SAMD7: variants seen among roughly 807,000 people sequenced by gnomAD.
SAMD7 encodes sterile alpha motif domain-containing protein 7.
SAMD7 carries 34 observed loss-of-function variants against 36.7 expected under a neutral mutation model. The ratio of observed to expected loss-of-function variants is 0.93; its 90% CI spans 0.71 to 1.23. The LOEUF (loss-of-function observed/expected upper bound fraction) is 1.23, where lower values mean the gene tolerates loss of function less well. SAMD7 is among the 50% of genes most tolerant of loss of function. The pLI is 0.00. For synonymous variants in SAMD7, 188 were observed against 189.7 expected (o/e 0.99, Z 0.07); for missense variants, 570 against 546.6 (o/e 1.04, Z -0.43).
At chr3:169,931,833 G>A (rs1371574054) in intron 7 of SAMD7, among the ~76,000 whole-genome samples, 3 of 152,060 alleles carry the variant, frequency 2.0e-5, no homozygotes, top group Non-Finnish European at 4.4e-5. Context: ...GCACTGCATG[G>A]GTAGCCACGA....
rs561563297 is a variant in SAMD7 at position 169,933,281 on chromosome 3, A to G, written c.1042-3058A>G. The G allele has an allele frequency of 2.8e-4, 133 of 466,734 alleles. 2 individuals carry two copies. Among genetic ancestry groups the G allele is most frequent in the African/African-American group, 2.5e-3 (126 of 50,618 alleles). 28.9% of individuals were successfully genotyped at this position (466,734 alleles called of 1,614,324 possible). ...AAACTTCTTTTTACAAAGATAGAGA[A>G]GCAGCACAATCAATTCCAAATGGTA... On this transcript the variant is annotated intron_variant, in intron 7 of 8. Transcript: ENST00000335556.
rs777663519 is a variant in SAMD7 at position 169,938,458 on chromosome 3, G to C, written c.1293G>C (p.Gln431His). The change falls in exon 9 of 9, where the codon CAG (glutamine) becomes CAC (histidine). Residue 431 changes from glutamine to histidine, a missense_variant. Coordinates refer to ENST00000335556, the MANE Select transcript of SAMD7 (RefSeq NM_001304366.2). ...ATACAATGAACATTTTTTGTCCCCA[G>C]GATACAATAATTCCTAAAGGAATTG... ...WSDTMNIFCP[Q>H]DTIIPKGIER... The C allele has an allele frequency of 3.7e-6, 6 of 1,613,120 alleles. No homozygotes were observed. The South Asian group carries it at 6.6e-5, about 18-fold the overall frequency.
chr3:169,926,458 A>G (rs1266284605), intron 5 of SAMD7, 95 bp from the exon 6 acceptor site: 35 of 1,308,082 alleles, frequency 2.7e-5, no homozygotes, highest in Non-Finnish European at 3.3e-5. Context: ...TCAGATAAAC[A>G]GTGTGAGGAC....
intron 1 of SAMD7, among the ~76,000 whole-genome samples, chr3:169,912,164 A>G (rs953458556): frequency 1.3e-5 from 2 of 152,190 alleles, no homozygotes; most frequent in African/African-American, 4.8e-5. Context: ...CAAACAGATG[A>G]AGTACCTACC....
At chr3:169,932,021 G>T in intron 7 of SAMD7, 1 of 722,360 alleles carries the variant, frequency 1.4e-6, no homozygotes, top group East Asian at 4.5e-5. Flanking sequence ...AGCGAGTCAT[G>T]CTGTTAGCAA....
chr3:169,929,840 C>A (rs1051238750), intron 7 of SAMD7, among the ~76,000 whole-genome samples: 1 of 152,112 alleles, frequency 6.6e-6, no homozygotes, highest in Non-Finnish European at 1.5e-5. Context: ...TTTTGCATAA[C>A]CTGATAAAAA....
chr3:169,916,376 T>C (rs1339955184), intron 2 of SAMD7, among the ~76,000 whole-genome samples: 1 of 152,214 alleles, frequency 6.6e-6, no homozygotes, highest in African/African-American at 2.4e-5. Flanking sequence ...CCAGGCGTGG[T>C]GGCTCACACG....
At position 169,925,083 on chromosome 3, in the gene SAMD7, C is replaced by T. The variant is rs1230180762; in HGVS notation, c.237C>T (p.Ser79=). 3.7e-6 allele frequency: 6 copies of T among 1,609,926 alleles called. No individual in the cohort carries two copies. Among genetic ancestry groups the T allele is most frequent in the Non-Finnish European group, 4.2e-6 (5 of 1,178,184 alleles). The change falls in exon 5 of 9, where the codon TCC becomes TCT. Residue 79 remains serine (S), a synonymous_variant. Transcript: ENST00000335556. ...GTTGGGGCATTTTACCACCTGAATC[C>T]ATAAAGGCAGTGGCCAGAAGGAATG... ...YPGWGILPPE[S]IKAVARRNEM...
intron 3 of SAMD7, among the ~76,000 whole-genome samples, chr3:169,920,157 A>G (rs920432207): frequency 3.3e-5 from 5 of 152,250 alleles, no homozygotes; most frequent in Non-Finnish European, 7.3e-5. Context: ...CTGGGCAACA[A>G]GAGCGAAACT....
intron 4 of SAMD7, among the ~76,000 whole-genome samples, chr3:169,924,815 C>T (rs1176167553): frequency 6.6e-6 from 1 of 152,122 alleles, no homozygotes; most frequent in African/African-American, 2.4e-5. Flanking sequence ...CAGGAAAATG[C>T]CACCAGTCAT....
chr3:169,927,419 C>T (rs543275356), intron 6 of SAMD7, among the ~76,000 whole-genome samples: 3 of 151,312 alleles, frequency 2.0e-5, no homozygotes, highest in East Asian at 3.9e-4. Flanking sequence ...CTCAGCCTCC[C>T]GAGTAGCTGG....
At position 169,936,458 on chromosome 3, in the gene SAMD7, AT is replaced by A; in HGVS notation, c.1152+13del. On this transcript the variant is annotated intron_variant, in intron 8 of 8. Coordinates refer to ENST00000335556, the MANE Select transcript of SAMD7 (RefSeq NM_001304366.2). ...TAAAAATTCAGTCACAGGTATGGTG[AT>A]TTTATATAACTAATTATGTATTAAT... The A allele has an allele frequency of 7.0e-7, 1 of 1,437,364 alleles. No individual in the cohort carries two copies. The highest frequency in any genetic ancestry group is 9.8e-7 in the Non-Finnish European group (1 of 1,021,302). The allele number at this position is 1,437,364 out of a possible 1,614,324, so 89.0% of individuals were successfully genotyped here. A position where few individuals can be genotyped will look rare whatever the true frequency, so the allele number is the denominator to read the frequency against.
intron 7 of SAMD7, among the ~76,000 whole-genome samples, chr3:169,934,707 G>T (rs186534279): frequency 6.6e-6 from 1 of 152,284 alleles, no homozygotes; most frequent in East Asian, 1.9e-4. Flanking sequence ...AAACTGGCAC[G>T]ATTTAGCTTC....
At chr3:169,925,566 A>C (rs1461670509) in intron 5 of SAMD7, among the ~76,000 whole-genome samples, 1 of 152,104 alleles carries the variant, frequency 6.6e-6, no homozygotes, top group Non-Finnish European at 1.5e-5. Context: ...CTCTACTAAA[A>C]ATACAAAAAA....
At chr3:169,916,147 T>C (rs1338503969) in intron 2 of SAMD7, among the ~76,000 whole-genome samples, 1 of 152,222 alleles carries the variant, frequency 6.6e-6, no homozygotes, top group African/African-American at 2.4e-5. Flanking sequence ...AAGGACATTA[T>C]GCTAAGTGAA....
intron 7 of SAMD7, chr3:169,933,000 G>A: frequency 1.4e-6 from 1 of 734,792 alleles, no homozygotes; most frequent in Non-Finnish European, 2.5e-6. Context: ...CTATCAGTGT[G>A]GCATCACTCA....
At chr3:169,915,148 T>C (rs1367820369) in intron 1 of SAMD7, among the ~76,000 whole-genome samples, 2 of 152,234 alleles carry the variant, frequency 1.3e-5, no homozygotes, top group Admixed American at 1.3e-4. Context: ...ATGGGCCAAC[T>C]CTTTGCCCTT....
chr3:169,921,931 T>C (rs1713063303), intron 4 of SAMD7, among the ~76,000 whole-genome samples: 1 of 152,198 alleles, frequency 6.6e-6, no homozygotes, highest in African/African-American at 2.4e-5. Flanking sequence ...CTAAATCCTG[T>C]AATTATTTTG....
At chr3:169,921,654 T>TA (rs1292394682) in intron 4 of SAMD7, among the ~76,000 whole-genome samples, 1 of 152,204 alleles carries the variant, frequency 6.6e-6, no homozygotes, top group East Asian at 1.9e-4. Flanking sequence ...TAATGGGGCT[T>TA]AAGGCAGTTT....
Sources: gnomAD v4.1 joint callset for allele counts (sites outside exome capture counted in the v4.1 genomes callset) on GRCh38, gnomAD v4.1.1 for gene constraint, MANE v1.5 for transcripts, NCBI Gene and HGNC (gene_info 2026-07-23, HGNC 2026-07-21) for gene names.